Variants in TTC23L observed in about 807,000 individuals in gnomAD.
The protein encoded by TTC23L is tetratricopeptide repeat domain 23 like, also known as tetratricopeptide repeat protein 23-like.
In TTC23L, 42 loss-of-function variants were observed where a neutral mutation model predicts 48.1. The observed-to-expected ratio is 0.87, with a 90% confidence interval of 0.68 to 1.13. TTC23L has a LOEUF of 1.13. Among genes scored for constraint, TTC23L ranks in the 50% most tolerant of loss-of-function variants. The probability of loss-of-function intolerance (pLI) is 0.00; values close to 1 mark genes in which losing one functional copy is unlikely to be tolerated. For missense variants in TTC23L, 391 were observed against 421.0 expected (o/e 0.93, Z 0.62); for synonymous variants, 159 against 157.2 (o/e 1.01, Z -0.09).
intron 9 of TTC23L, among the ~76,000 whole-genome samples, chr5:34,882,660 A>ACACACACACACACACACAC (rs1762305507): frequency 2.3e-5 from 2 of 86,700 alleles, no homozygotes; most frequent in South Asian, 5.8e-4. Context: ...CACACACACA[A>ACACACACACACACACACAC]TATCTTTTGA....
At chr5:34,890,264 G>A (rs1206505791) in intron 9 of TTC23L, among the ~76,000 whole-genome samples, 1 of 151,684 alleles carries the variant, frequency 6.6e-6, no homozygotes, top group Admixed American at 6.6e-5. Flanking sequence ...GGGCAACATG[G>A]TGAAGCGCCA....
intron 8 of TTC23L, 103 bp downstream of exon 8, chr5:34,869,116 T>C (rs990329690): frequency 2.1e-6 from 2 of 945,696 alleles, no homozygotes; most frequent in South Asian, 1.5e-5. Context: ...ATTCCTGTAA[T>C]GGAAAAATTA....
At chr5:34,911,953 T>A in the TTC23L span, 5 of 993,970 alleles carry the variant, frequency 5.0e-6, no homozygotes, top group Non-Finnish European at 6.0e-6. Flanking sequence ...TAAAAAGGGA[T>A]GACATCTTCC....
chr5:34,909,334 C>T, the TTC23L span: 1 of 1,608,446 alleles, frequency 6.2e-7, no homozygotes, highest in Admixed American at 1.7e-5. Flanking sequence ...TGGGAACTTC[C>T]TGCATTTCCA....
At chr5:34,854,252 C>T (rs1384461469) in intron 4 of TTC23L, among the ~76,000 whole-genome samples, 1 of 152,082 alleles carries the variant, frequency 6.6e-6, no homozygotes, top group Non-Finnish European at 1.5e-5. Context: ...GTTTGTTTTT[C>T]CTAGATGGGA....
chr5:34,870,095 G>C (rs1761350261), intron 8 of TTC23L, among the ~76,000 whole-genome samples: 1 of 151,728 alleles, frequency 6.6e-6, no homozygotes, highest in African/African-American at 2.4e-5. Context: ...TTATAGAGTT[G>C]AGAGATTTCA....
chr5:34,897,266 T>G (rs535242657), intron 10 of TTC23L, among the ~76,000 whole-genome samples: 1 of 152,092 alleles, frequency 6.6e-6, no homozygotes, highest in East Asian at 1.9e-4. Flanking sequence ...GCGCCTGTAG[T>G]CCCAGTTACT....
the TTC23L span, among the ~76,000 whole-genome samples, chr5:34,923,734 A>G: frequency 6.6e-6 from 1 of 152,144 alleles, no homozygotes; most frequent in Non-Finnish European, 1.5e-5. Context: ...TTAGATAAGG[A>G]TATACAGGGT....
Position 34,857,983 on chromosome 5 carries a change from C to A in TTC23L, c.380-4915C>A, listed in dbSNP as rs187628979. Among the ~76,000 whole-genome samples, 304 of 130,502 alleles carry A rather than the reference C, an allele frequency of 2.3e-3. 2 individuals carry two copies. Among genetic ancestry groups the A allele is most frequent in the Middle Eastern group, 3.9e-3 (1 of 258 alleles). The allele number at this position is 130,502 out of a possible 152,430, so 85.6% of individuals were successfully genotyped here. A position where few individuals can be genotyped will look rare whatever the true frequency, so the allele number is the denominator to read the frequency against. On this transcript the variant is annotated intron_variant, in intron 4 of 10. Transcript: ENST00000505624. Reference sequence around the variant, plus strand: ...CCTCCAAAGATTGGGTAGCTCTGAGCAGATTTTCTCTGGCCTGAGTCAGTG... The same window carrying A: ...CCTCCAAAGATTGGGTAGCTCTGAGAAGATTTTCTCTGGCCTGAGTCAGTG...
chr5:34,879,987 T>G (rs1017414608), intron 8 of TTC23L, among the ~76,000 whole-genome samples, 194 bp from the exon 9 acceptor site: 3 of 152,112 alleles, frequency 2.0e-5, no homozygotes, highest in Non-Finnish European at 4.4e-5. Flanking sequence ...AGAGTGATAC[T>G]CTATCTCAAA....
In TTC23L at chr5:34,876,890, C is replaced by T. The variant is rs570581114; in HGVS notation, c.950-3291C>T. On this transcript the variant is annotated intron_variant, in intron 8 of 10. Transcript: ENST00000505624. ...TGTCAGGAGAAACACCTAATGTAGA[C>T]GACGGGTTGATGGGTGCAGCAAACC... Among the ~76,000 whole-genome samples the T allele has an allele frequency of 9.5e-4, 145 of 151,914 alleles. 1 individual carries two copies. Among genetic ancestry groups the T allele is most frequent in the African/African-American group, 3.2e-3 (133 of 41,426 alleles).
intron 6 of TTC23L, among the ~76,000 whole-genome samples, chr5:34,865,695 G>T (rs996533607): frequency 2.8e-4 from 43 of 152,124 alleles, no homozygotes; most frequent in Non-Finnish European, 1.6e-4. Flanking sequence ...GCCAATGAGG[G>T]TAGGTATTTC....
At chr5:34,887,487 T>C (rs1464385058) in intron 9 of TTC23L, among the ~76,000 whole-genome samples, 1 of 152,206 alleles carries the variant, frequency 6.6e-6, no homozygotes, top group Non-Finnish European at 1.5e-5. Flanking sequence ...ACTGGAGTAT[T>C]GTTTCTCAAA....
chr5:34,873,963 T>TA (rs1761653338), intron 8 of TTC23L, among the ~76,000 whole-genome samples: 1 of 152,136 alleles, frequency 6.6e-6, no homozygotes, highest in Non-Finnish European at 1.5e-5. Flanking sequence ...AGATTAAAAA[T>TA]AATAAGCACT....
the TTC23L span, chr5:34,908,970 G>A: frequency 3.2e-6 from 5 of 1,577,446 alleles, no homozygotes; most frequent in Admixed American, 3.7e-5. Context: ...AAAATAAAAC[G>A]CTGTTATATC....
intron 9 of TTC23L, among the ~76,000 whole-genome samples, chr5:34,887,761 C>T (rs1408056986): frequency 6.6e-6 from 1 of 151,802 alleles, no homozygotes; most frequent in Non-Finnish European, 1.5e-5. Context: ...AGAGATTCAG[C>T]CAAATAATTG....
At chr5:34,864,485 G>A (rs749901394) in exon 6 of TTC23L, 2 of 1,613,694 alleles carry the variant, frequency 1.2e-6, no homozygotes, top group South Asian at 2.2e-5. Flanking sequence ...GAAACATGAA[G>A]GAGCTGAAAG....
the TTC23L span, chr5:34,922,427 T>TTA: frequency 1.1e-6 from 1 of 899,324 alleles, no homozygotes. Flanking sequence ...CTTGATACCT[T>TTA]TAAAGAAAAT....
intron 4 of TTC23L, among the ~76,000 whole-genome samples, chr5:34,860,011 T>A (rs1760469776): frequency 6.6e-6 from 1 of 151,732 alleles, no homozygotes; most frequent in Non-Finnish European, 1.5e-5. Context: ...GCCTGGCTAA[T>A]TTTTTGTATT....
Sources: gnomAD v4.1 joint callset for allele counts (sites outside exome capture counted in the v4.1 genomes callset) on GRCh38, gnomAD v4.1.1 for gene constraint, MANE v1.5 for transcripts, NCBI Gene and HGNC (gene_info 2026-07-23, HGNC 2026-07-21) for gene names.